Variants in CDH12 observed in about 807,000 individuals in gnomAD.
CDH12 encodes cadherin-12.
Under a neutral mutation model 74.1 loss-of-function variants are expected in CDH12, and 41 were observed. That is an observed-to-expected ratio of 0.55 (90% CI 0.43 to 0.72). The LOEUF is 0.72. Ranked by LOEUF, CDH12 falls within the 30% of genes least tolerant of loss-of-function variation. CDH12 has a pLI of 0.00. For synonymous variants in CDH12, 399 were observed against 355.0 expected, an observed-to-expected ratio of 1.12 and a Z score of -1.39; for missense variants, 945 against 977.2, an observed-to-expected ratio of 0.97 and a Z score of 0.44.
intron 12 of CDH12, among the ~76,000 whole-genome samples, chr5:21,761,188 G>A (rs1052780501): frequency 2.0e-5 from 3 of 151,936 alleles, no homozygotes; most frequent in African/African-American, 4.8e-5. Flanking sequence ...TTCTTCATTC[G>A]GTAGGAATAC....
chr5:22,245,781 G>A (rs1184101153), intron 3 of CDH12, among the ~76,000 whole-genome samples: 1 of 152,182 alleles, frequency 6.6e-6, no homozygotes, highest in African/African-American at 2.4e-5. Context: ...TTACACATAT[G>A]CATTAACAAG....
intron 1 of CDH12, among the ~76,000 whole-genome samples, chr5:22,844,882 T>C (rs1396121520): frequency 1.3e-5 from 2 of 152,130 alleles, no homozygotes; most frequent in Non-Finnish European, 2.9e-5. Context: ...TTAAGTCATT[T>C]AATTGCTACT....
intron 2 of CDH12, among the ~76,000 whole-genome samples, chr5:22,443,686 A>G (rs1285549512): frequency 6.6e-6 from 1 of 152,140 alleles, no homozygotes; most frequent in Non-Finnish European, 1.5e-5. Flanking sequence ...GTATGCATCA[A>G]TCAATGGTTA....
intron 2 of CDH12, among the ~76,000 whole-genome samples, chr5:22,450,493 G>C (rs1187676660): frequency 1.3e-5 from 2 of 151,604 alleles, no homozygotes; most frequent in Non-Finnish European, 3.0e-5. Flanking sequence ...CATTCATATT[G>C]ATTTATTTTA....
intron 5 of CDH12, among the ~76,000 whole-genome samples, chr5:21,994,085 TAC>T (rs1196305338): frequency 6.6e-6 from 1 of 151,430 alleles, no homozygotes; most frequent in East Asian, 1.9e-4. Context: ...TCTCTGTGAA[TAC>T]AGTGATATTG....
intron 1 of CDH12, among the ~76,000 whole-genome samples, chr5:22,653,339 G>A (rs889850551): frequency 6.6e-6 from 1 of 151,980 alleles, no homozygotes; most frequent in African/African-American, 2.4e-5. Flanking sequence ...CTTCACTTAA[G>A]TGAAACATAG....
At chr5:22,692,483 C>T (rs190582014) in intron 1 of CDH12, among the ~76,000 whole-genome samples, 14 of 151,032 alleles carry the variant, frequency 9.3e-5, no homozygotes, top group East Asian at 3.9e-4. Context: ...CCATGGTGAG[C>T]GGGAATGTTA....
chr5:21,813,219 C>T (rs939716652), intron 9 of CDH12, among the ~76,000 whole-genome samples: 1 of 152,146 alleles, frequency 6.6e-6, no homozygotes, highest in African/African-American at 2.4e-5. Context: ...TGGCTCATGC[C>T]TGTAATCCCA....
intron 3 of CDH12, among the ~76,000 whole-genome samples, chr5:22,266,053 ATTTAT>A (rs1448825306): frequency 6.8e-6 from 1 of 146,408 alleles, no homozygotes; most frequent in Non-Finnish European, 1.5e-5. Flanking sequence ...TTATTTATTT[ATTTAT>A]TTATTTATTT....
chr5:22,172,597 C>T (rs1280623041), intron 4 of CDH12: 2 of 151,764 alleles, frequency 1.3e-5, no homozygotes, highest in Non-Finnish European at 2.9e-5. Context: ...ACTGGGAGGT[C>T]TCTTTCCTTA....
chr5:22,222,560 G>T (rs1002449019), intron 3 of CDH12, among the ~76,000 whole-genome samples: 2 of 151,304 alleles, frequency 1.3e-5, no homozygotes, highest in Admixed American at 1.3e-4. Context: ...TTCTAAAATT[G>T]TCATTTTATT....
chr5:22,829,683 A>G (rs948365476), intron 1 of CDH12, among the ~76,000 whole-genome samples: 2 of 152,188 alleles, frequency 1.3e-5, no homozygotes, highest in East Asian at 1.9e-4. Flanking sequence ...TGTTCTCACA[A>G]TGAGATACTT....
chr5:22,727,840 T>A (rs1435722941), intron 1 of CDH12, among the ~76,000 whole-genome samples: 1 of 151,774 alleles, frequency 6.6e-6, no homozygotes, highest in Non-Finnish European at 1.5e-5. Flanking sequence ...GTGTAGTGTA[T>A]CATTTTTCTT....
At chr5:22,632,929 A>G (rs1040356374) in intron 1 of CDH12, among the ~76,000 whole-genome samples, 1 of 152,136 alleles carries the variant, frequency 6.6e-6, no homozygotes, top group Admixed American at 6.6e-5. Context: ...AAAGCAGAAA[A>G]AAAAAGAACA....
chr5:22,042,389 C>A (rs1230638822), intron 5 of CDH12, among the ~76,000 whole-genome samples: 1 of 152,008 alleles, frequency 6.6e-6, no homozygotes, highest in East Asian at 1.9e-4. Flanking sequence ...ATCTGACAAA[C>A]TTTTAGCCAG....
intron 1 of CDH12, among the ~76,000 whole-genome samples, chr5:22,739,395 C>A (rs1206206101): frequency 3.8e-4 from 57 of 151,922 alleles, no homozygotes; most frequent in Non-Finnish European, 5.9e-5. Flanking sequence ...ATGTTGTCCA[C>A]TTTTCTCCCC....
intron 5 of CDH12, among the ~76,000 whole-genome samples, chr5:22,022,338 A>G (rs543065868): frequency 1.2e-4 from 18 of 152,038 alleles, no homozygotes; most frequent in African/African-American, 4.3e-4. Context: ...AGTGTGTAGT[A>G]CTTCCTCCTT....
intron 1 of CDH12, among the ~76,000 whole-genome samples, chr5:22,696,370 CAAA>C: frequency 1.0e-5 from 1 of 96,542 alleles, no homozygotes; most frequent in Admixed American, 1.1e-4. Flanking sequence ...GACTCCGTCT[CAAA>C]AAAAAAAAAA....
intron 1 of CDH12, among the ~76,000 whole-genome samples, chr5:22,694,298 A>G (rs1742237689): frequency 1.3e-5 from 2 of 152,156 alleles, no homozygotes; most frequent in Non-Finnish European, 2.9e-5. Flanking sequence ...GAATGATCAC[A>G]TTTTCTTTAC....
Sources: gnomAD v4.1 joint callset for allele counts (sites outside exome capture counted in the v4.1 genomes callset) on GRCh38, gnomAD v4.1.1 for gene constraint, MANE v1.5 for transcripts, NCBI Gene and HGNC (gene_info 2026-07-23, HGNC 2026-07-21) for gene names.